SLC44A1: variants seen among roughly 807,000 people sequenced by gnomAD.
The protein encoded by SLC44A1 is solute carrier family 44 member 1, also known as choline transporter-like protein 1.
Under a neutral mutation model 79.3 loss-of-function variants are expected in SLC44A1, and 26 were observed. The observed-to-expected ratio is 0.33, with a 90% confidence interval of 0.24 to 0.46. The LOEUF (loss-of-function observed/expected upper bound fraction) is 0.46, where lower values mean the gene tolerates loss of function less well. Among genes scored for constraint, SLC44A1 ranks in the 20% least tolerant of loss-of-function variants. SLC44A1 has a pLI of 1.00. For synonymous variants in SLC44A1, 263 were observed against 286.2 expected (o/e 0.92, Z 0.82); for missense variants, 688 against 798.1 (o/e 0.86, Z 1.66).
At chr9:105,368,398 G>C (rs923834734) in intron 12 of SLC44A1, among the ~76,000 whole-genome samples, 1 of 152,146 alleles carries the variant, frequency 6.6e-6, no homozygotes, top group Non-Finnish European at 1.5e-5. Flanking sequence ...CACCTGCAGA[G>C]CTTCATGTCT....
chr9:105,431,195 G>T (rs1829388151), intron 15 of SLC44A1, among the ~76,000 whole-genome samples: 2 of 152,152 alleles, frequency 1.3e-5, no homozygotes. Flanking sequence ...ATACATTTAG[G>T]TCATTGATCT....
intron 5 of SLC44A1, among the ~76,000 whole-genome samples, chr9:105,354,210 C>T (rs1370976709): frequency 4.7e-5 from 7 of 150,252 alleles, no homozygotes; most frequent in Admixed American, 3.3e-4. Context: ...GCTACCACGC[C>T]CGGCTAATTT....
At chr9:105,262,770 TC>T (rs1829871326) in intron 1 of SLC44A1, among the ~76,000 whole-genome samples, 1 of 152,186 alleles carries the variant, frequency 6.6e-6, no homozygotes, top group Admixed American at 6.5e-5. Context: ...ACCCAAGTAT[TC>T]AATTTGTTTC....
At chr9:105,413,266 T>G (rs1333612904) in intron 15 of SLC44A1, among the ~76,000 whole-genome samples, 1 of 152,214 alleles carries the variant, frequency 6.6e-6, no homozygotes, top group Non-Finnish European at 1.5e-5. Context: ...TCATTCTGGT[T>G]AGCAAAATGC....
chr9:105,376,622 C>A (rs917828078), intron 13 of SLC44A1, among the ~76,000 whole-genome samples: 1 of 152,172 alleles, frequency 6.6e-6, no homozygotes, highest in African/African-American at 2.4e-5. Context: ...GATCTGCCCA[C>A]CTCGGCCTCC....
chr9:105,426,746 ATGAG>A (rs1327014452), intron 15 of SLC44A1, among the ~76,000 whole-genome samples: 7 of 151,912 alleles, frequency 4.6e-5, no homozygotes, highest in Admixed American at 3.9e-4. Flanking sequence ...AAGCAAATAA[ATGAG>A]TAAGTAAACA....
chr9:105,305,873 T>G (rs1831017498), intron 2 of SLC44A1, among the ~76,000 whole-genome samples: 1 of 126,602 alleles, frequency 7.9e-6, no homozygotes, highest in Admixed American at 8.2e-5. Context: ...TTTTTACTAA[T>G]AGCAAATAAA....
intron 6 of SLC44A1, chr9:105,357,043 A>G (rs920092324): frequency 6.6e-6 from 1 of 152,212 alleles, no homozygotes; most frequent in Admixed American, 6.5e-5. Context: ...CTATTTCATT[A>G]TATAAGTAAA....
chr9:105,333,764 C>A (rs1188782417), intron 3 of SLC44A1, among the ~76,000 whole-genome samples: 1 of 151,578 alleles, frequency 6.6e-6, no homozygotes, highest in Non-Finnish European at 1.5e-5. Context: ...CAGCTGAGAC[C>A]ATGCCATTGC....
intron 5 of SLC44A1, among the ~76,000 whole-genome samples, chr9:105,351,170 G>A (rs572112280): frequency 1.3e-5 from 2 of 152,174 alleles, no homozygotes; most frequent in Non-Finnish European, 2.9e-5. Flanking sequence ...ATGTATTTGG[G>A]CACCTCTGGA....
rs570902927 is a variant in SLC44A1 at position 105,435,613 on chromosome 9, T to C, written c.1951-2668T>C. Reference sequence around the variant, plus strand: ...TTAATCAGTTAAGGCAGGAACTAGCTGTTTCTTTTTCTTTAGTGGTTCTCC... The same window carrying C: ...TTAATCAGTTAAGGCAGGAACTAGCCGTTTCTTTTTCTTTAGTGGTTCTCC... On this transcript the variant is annotated intron_variant, in intron 15 of 15. Transcript: ENST00000374724. Among the ~76,000 whole-genome samples, 8 of 152,288 alleles carry C rather than the reference T, an allele frequency of 5.3e-5. No homozygotes were observed. In the East Asian group the frequency reaches 1.4e-3, roughly 26 times the overall value.
chr9:105,420,305 T>C (rs1457963742), intron 15 of SLC44A1, among the ~76,000 whole-genome samples: 1 of 152,160 alleles, frequency 6.6e-6, no homozygotes, highest in African/African-American at 2.4e-5. Flanking sequence ...AAACACTTGA[T>C]TAAATAAAAG....
chr9:105,254,900 T>C (rs1454593840), intron 1 of SLC44A1, among the ~76,000 whole-genome samples: 1 of 152,234 alleles, frequency 6.6e-6, no homozygotes, highest in Admixed American at 6.5e-5. Context: ...CTACCTCTTT[T>C]GAAGTCTCAC....
intron 1 of SLC44A1, among the ~76,000 whole-genome samples, chr9:105,264,714 C>T (rs889109351): frequency 6.6e-6 from 1 of 152,310 alleles, no homozygotes; most frequent in East Asian, 1.9e-4. Context: ...CTCTCCCATA[C>T]CTCCAAACTG....
At chr9:105,410,517 A>G (rs971657107) in intron 15 of SLC44A1, among the ~76,000 whole-genome samples, 1 of 152,228 alleles carries the variant, frequency 6.6e-6, no homozygotes, top group African/African-American at 2.4e-5. Context: ...CCACAAGGAG[A>G]TACCACTTCA....
intron 13 of SLC44A1, 34 bp from the exon 14 acceptor site, chr9:105,383,089 A>G (rs201666681): frequency 6.9e-7 from 1 of 1,452,242 alleles, no homozygotes; most frequent in East Asian, 2.3e-5. Flanking sequence ...CTTCAGTAGG[A>G]TATTAAATAT....
Position 105,390,918 on chromosome 9 carries a change from G to C in SLC44A1, c.*1862G>C. ...TCTAGTATCACCAAACAGTATCGCT[G>C]TTCTCTTTTATTCATTTGAAATGAA... On this transcript the variant is annotated 3_prime_UTR_variant, in exon 16 of 16. Transcript: ENST00000374720. 1.0e-6 allele frequency: 1 copy of C among 981,608 alleles called. No individual in the cohort carries two copies. Among genetic ancestry groups the C allele is most frequent in the Non-Finnish European group, 1.2e-6 (1 of 826,206 alleles). 60.8% of individuals were successfully genotyped at this position (981,608 alleles called of 1,614,324 possible). A position where few individuals can be genotyped will look rare whatever the true frequency, so the allele number is the denominator to read the frequency against.
At chr9:105,412,920 T>TA (rs1829116574) in intron 15 of SLC44A1, among the ~76,000 whole-genome samples, 1 of 152,124 alleles carries the variant, frequency 6.6e-6, no homozygotes, top group Non-Finnish European at 1.5e-5. Context: ...CATTACTTTT[T>TA]ATAGGTCAAT....
intron 15 of SLC44A1, among the ~76,000 whole-genome samples, chr9:105,412,428 A>G (rs1283914162): frequency 3.3e-5 from 5 of 152,150 alleles, no homozygotes; most frequent in Admixed American, 3.3e-4. Context: ...TTCCAAGCTC[A>G]TCTTATGCTT....
Sources: allele counts gnomAD v4.1 joint callset (sites outside exome capture counted in the v4.1 genomes callset), GRCh38; gene constraint gnomAD v4.1.1; transcripts MANE v1.5; gene names NCBI Gene and HGNC (gene_info 2026-07-23, HGNC 2026-07-21).